DDX31: variants seen among roughly 807,000 people sequenced by gnomAD.
The protein encoded by DDX31 is DEAD-box helicase 31, also known as ATP-dependent DNA helicase DDX31.
In DDX31, 70 loss-of-function variants were observed where a neutral mutation model predicts 91.3. The ratio of observed to expected loss-of-function variants is 0.77; its 90% confidence interval spans 0.63 to 0.94. The LOEUF is 0.94. Among genes scored for constraint, DDX31 ranks in the 40% least tolerant of loss-of-function variants. The pLI, the probability that DDX31 is intolerant of heterozygous loss-of-function variation, is 0.00. For missense variants in DDX31, 902 were observed against 925.0 expected (o/e 0.98, Z 0.32); for synonymous variants, 362 against 350.6 (o/e 1.03, Z -0.36).
At chr9:132,597,100 C>A (rs1830473443) in intron 19 of DDX31, among the ~76,000 whole-genome samples, 1 of 152,158 alleles carries the variant, frequency 6.6e-6, no homozygotes, top group Non-Finnish European at 1.5e-5. Flanking sequence ...AGATGCCACG[C>A]ACCTCCCCCA....
chr9:132,662,305 A>G lies in DDX31; in HGVS notation c.364T>C (p.Phe122Leu), dbSNP rs1835018055. The part of the protein sequence containing the change: ...PVVKQVQEKV[F>L]TSAAFHELGL... Reference sequence around the variant, plus strand: ...AGCTCATGAAAAGCAGCTGAAGTAAACACTTTTTCTTGCACCTGCTTTACC... The same window carrying G: ...AGCTCATGAAAAGCAGCTGAAGTAAGCACTTTTTCTTGCACCTGCTTTACC... Residue 122 changes from phenylalanine (F) to leucine (L), a missense_variant, in exon 3 of 20, where the codon TTT (phenylalanine) becomes CTT (leucine). By Grantham distance (22) the Phe-to-Leu change is conservative. Transcript: ENST00000372159. 1 of 1,614,234 alleles carries G rather than the reference A, an allele frequency of 6.2e-7. No individual in the cohort carries two copies. Among genetic ancestry groups the G allele is most frequent in the East Asian group, 2.2e-5 (1 of 44,890 alleles).
chr9:132,625,958 T>C (rs939541227), intron 16 of DDX31, among the ~76,000 whole-genome samples: 5 of 152,172 alleles, frequency 3.3e-5, no homozygotes, highest in Non-Finnish European at 7.3e-5. Flanking sequence ...ACAATTTCTT[T>C]CCTCTCTGAT....
intron 17 of DDX31, among the ~76,000 whole-genome samples, chr9:132,624,576 C>G (rs1488768134): frequency 3.9e-5 from 6 of 152,160 alleles, no homozygotes; most frequent in Admixed American, 1.3e-4. Context: ...CCCAGAATGA[C>G]TAAAGCATAT....
In DDX31 at chr9:132,659,578, A is replaced by C. The variant is rs1834803206; in HGVS notation, c.523+132T>G. The C allele has an allele frequency of 6.4e-6, 5 of 776,604 alleles. No individual in the cohort carries two copies. In the South Asian group the frequency reaches 8.5e-5, roughly 13 times the overall value. The allele number at this position is 776,604 out of a possible 1,614,324, so 48.1% of individuals were successfully genotyped here. A position where few individuals can be genotyped will look rare whatever the true frequency, so the allele number is the denominator to read the frequency against. ...TGTGAACACATTCAGGGCTCTAATC[A>C]AAAGCATGGCCTCCCTCCCCCAAAC... On this transcript the variant is annotated intron_variant, in intron 5 of 19. Transcript: ENST00000372159.
chr9:132,648,070 C>A, intron 11 of DDX31, 119 bp downstream of exon 11: 1 of 761,726 alleles, frequency 1.3e-6, no homozygotes, highest in Non-Finnish European at 2.1e-6. Flanking sequence ...AAGGACAGCT[C>A]TCTCCCTGCC....
chr9:132,659,942 T>C (rs996554688), intron 4 of DDX31, among the ~76,000 whole-genome samples, 162 bp from the exon 5 acceptor site: 1 of 152,260 alleles, frequency 6.6e-6, no homozygotes, highest in African/African-American at 2.4e-5. Flanking sequence ...AAACTTTTGA[T>C]GATTATAAAG....
At chr9:132,633,220 T>C (rs1193081198) in intron 14 of DDX31, among the ~76,000 whole-genome samples, 2 of 152,204 alleles carry the variant, frequency 1.3e-5, no homozygotes, top group African/African-American at 2.4e-5. Flanking sequence ...CATATTATAT[T>C]ATACCGCATT....
At chr9:132,622,235 T>G (rs1832072716) in intron 17 of DDX31, among the ~76,000 whole-genome samples, 1 of 152,208 alleles carries the variant, frequency 6.6e-6, no homozygotes, top group Admixed American at 6.5e-5. Context: ...ATTGCAGAGC[T>G]AACAGCTGGG....
chr9:132,651,028 C>T, intron 8 of DDX31, 47 bp downstream of exon 8: 2 of 1,551,256 alleles, frequency 1.3e-6, no homozygotes, highest in Non-Finnish European at 1.8e-6. Context: ...TAAATCCTTC[C>T]TCAAAGTCAG....
rs919078113 is a variant in DDX31 at position 132,669,733 on chromosome 9, C to G, written c.75+127G>C. On this transcript the variant is annotated intron_variant, in intron 1 of 19. Coordinates refer to ENST00000372159, the MANE Select transcript of DDX31 (RefSeq NM_022779.9). ...CGGCGCAACTTGTCCCGAAGCTGCC[C>G]GGTGTCTTTCTCCCGCTTAACTCCG... 6.5e-6 allele frequency: 10 copies of G among 1,530,312 alleles called. No individual in the cohort carries two copies. The African/African-American group carries it at 1.1e-4, about 17-fold the overall frequency. 94.8% of individuals were successfully genotyped at this position (1,530,312 alleles called of 1,614,324 possible). A position where few individuals can be genotyped will look rare whatever the true frequency, so the allele number is the denominator to read the frequency against.
intron 11 of DDX31, among the ~76,000 whole-genome samples, chr9:132,647,742 T>A (rs1833925432): frequency 6.6e-6 from 1 of 152,154 alleles, no homozygotes; most frequent in Non-Finnish European, 1.5e-5. Context: ...AGAATTTCCA[T>A]CTCACATGGA....
intron 5 of DDX31, among the ~76,000 whole-genome samples, 190 bp from the exon 6 acceptor site, chr9:132,658,925 G>T (rs575890047): frequency 4.0e-4 from 61 of 152,304 alleles, no homozygotes; most frequent in African/African-American, 1.5e-3. Flanking sequence ...TCCCAATTTT[G>T]CTTTGTAAAA....
At chr9:132,648,681 GA>G (rs1335573757) in intron 9 of DDX31, 130 bp from the exon 10 acceptor site, 1 of 1,103,022 alleles carries the variant, frequency 9.1e-7, no homozygotes, top group Non-Finnish European at 1.2e-6. Flanking sequence ...CTGAAATCAT[GA>G]CAAAACATAA....
intron 17 of DDX31, among the ~76,000 whole-genome samples, chr9:132,622,270 A>T (rs544766219): frequency 6.6e-6 from 1 of 151,324 alleles, no homozygotes; most frequent in South Asian, 2.1e-4. Flanking sequence ...ACTCAAACTC[A>T]TATCTATCTG....
intron 17 of DDX31, among the ~76,000 whole-genome samples, chr9:132,620,435 T>A (rs1363804458): frequency 4.0e-5 from 6 of 149,572 alleles, no homozygotes; most frequent in South Asian, 2.1e-4. Context: ...AAAAAAAAAA[T>A]TACATATATA....
rs981082655 is a variant in DDX31, at chr9:132,635,455, CT to C, written c.1441-3365del. 8.9e-3 allele frequency among the ~76,000 whole-genome samples: 935 copies of C among 104,692 alleles called. 2 individuals are homozygous for C. The highest frequency in any genetic ancestry group is 9.2e-3 in the Non-Finnish European group (477 of 51,646). The allele number at this position is 104,692 out of a possible 152,430, so 68.7% of individuals were successfully genotyped here. ...TCACAAAGGATTCATATGTACATAG[CT>C]TTTTTTTTTTTTTTTTTTTTTGAGA... On this transcript the variant is annotated intron_variant, in intron 14 of 19. Transcript: ENST00000372159.
At chr9:132,654,239 A>T (rs1171303732) in intron 6 of DDX31, among the ~76,000 whole-genome samples, 1 of 152,210 alleles carries the variant, frequency 6.6e-6, no homozygotes, top group Non-Finnish European at 1.5e-5. Context: ...CTGGGGAGAA[A>T]ATATGCCACA....
At chr9:132,631,921 G>T in intron 15 of DDX31, 120 bp downstream of exon 15, 5 of 888,184 alleles carry the variant, frequency 5.6e-6, no homozygotes, top group Non-Finnish European at 8.5e-6. Context: ...CTGGTTTGCT[G>T]CCTGGTTACC....
At chr9:132,657,294 G>A (rs906167652) in intron 6 of DDX31, among the ~76,000 whole-genome samples, 15 of 151,946 alleles carry the variant, frequency 9.9e-5, no homozygotes, top group African/African-American at 3.6e-4. Context: ...ACAAAATTTT[G>A]CATAAAAAAA....
Sources: allele counts gnomAD v4.1 joint callset (sites outside exome capture counted in the v4.1 genomes callset), GRCh38; gene constraint gnomAD v4.1.1; transcripts MANE v1.5; gene names NCBI Gene and HGNC (gene_info 2026-07-23, HGNC 2026-07-21).